Variants in SHQ1 observed in about 807,000 individuals in gnomAD.
SHQ1 encodes protein SHQ1 homolog.
In SHQ1, 49 loss-of-function variants were observed where a neutral mutation model predicts 53.8. The observed-to-expected ratio is 0.91, with a 90% CI of 0.72 to 1.16. The LOEUF is 1.16. SHQ1 is among the 50% of genes most tolerant of loss of function. SHQ1 has a pLI of 0.00. For missense variants in SHQ1, 738 were observed against 683.1 expected (o/e 1.08, Z -0.90); for synonymous variants, 243 against 251.0 (o/e 0.97, Z 0.30).
chr3:72,746,245 A>G (rs906462827), downstream of SHQ1, among the ~76,000 whole-genome samples: 2 of 152,114 alleles, frequency 1.3e-5, no homozygotes, highest in African/African-American at 4.8e-5. Context: ...GTCAACTGCA[A>G]AGTCTTGGTT....
chr3:72,844,278 C>A, intron 2 of SHQ1, 81 bp downstream of exon 2: 1 of 1,175,604 alleles, frequency 8.5e-7, no homozygotes, highest in East Asian at 2.4e-5. Context: ...CAAAAGGTCC[C>A]CATGGTATCT....
intron 10 of SHQ1, among the ~76,000 whole-genome samples, chr3:72,776,927 A>G (rs537537261): frequency 1.1e-4 from 17 of 152,346 alleles, no homozygotes; most frequent in African/African-American, 4.1e-4. Flanking sequence ...AACTTGATTT[A>G]TAAGAGTGAG....
chr3:72,805,821 G>C (rs963353467), intron 9 of SHQ1, among the ~76,000 whole-genome samples: 22 of 152,034 alleles, frequency 1.4e-4, no homozygotes, highest in Non-Finnish European at 2.8e-4. Flanking sequence ...ATCATTTGTG[G>C]CAATTAAAAG....
chr3:72,830,593 G>A (rs1707795922), intron 5 of SHQ1, among the ~76,000 whole-genome samples: 1 of 151,976 alleles, frequency 6.6e-6, no homozygotes, highest in African/African-American at 2.4e-5. Context: ...ACATTTGGGT[G>A]AGTCAGTCAG....
intron 10 of SHQ1, among the ~76,000 whole-genome samples, chr3:72,768,369 G>A (rs562536287): frequency 1.3e-5 from 2 of 152,264 alleles, no homozygotes; most frequent in South Asian, 4.1e-4. Flanking sequence ...AATACCAAGT[G>A]CAGAAGAAAG....
At chr3:72,735,750 A>AAGGAAGGCAGGCAGGC in the SHQ1 span, among the ~76,000 whole-genome samples, 7 of 122,544 alleles carry the variant, frequency 5.7e-5, no homozygotes, top group African/African-American at 2.3e-4. Flanking sequence ...GGAAGGAAGG[A>AAGGAAGGCAGGCAGGC]AGGCAGGCAG....
Position 72,848,296 on chromosome 3 carries a change from C to G in SHQ1, c.45G>C (p.Leu15=), listed in dbSNP as rs747899193. The change falls in exon 1 of 11, where the codon CTG becomes CTC. Residue 15 remains leucine, a synonymous_variant. Transcript: ENST00000325599. ...AFDLSQDPDF[L]TIAIRVPYAR... is the part of the protein sequence containing the mutation. ...CGTAGGGCACGCGGATGGCGATAGT[C>G]AGGAAGTCCGGATCCTGGCTGAGGT... 2 of 1,614,140 alleles carry G rather than the reference C, an allele frequency of 1.2e-6. No individual in the cohort carries two copies. The highest frequency in any genetic ancestry group is 3.3e-5 in the Admixed American group (2 of 60,018).
chr3:72,764,025 C>T (rs1401487783), intron 10 of SHQ1, among the ~76,000 whole-genome samples: 5 of 150,174 alleles, frequency 3.3e-5, no homozygotes, highest in Non-Finnish European at 7.4e-5. Flanking sequence ...AAAAAAAAGA[C>T]ACCACTAAAA....
chr3:72,835,867 T>C lies in SHQ1; in HGVS notation c.487-3386A>G, dbSNP rs572818885. 2.6e-5 allele frequency among the ~76,000 whole-genome samples: 4 copies of C among 152,338 alleles called. No individual in the cohort carries two copies. The South Asian group carries it at 6.2e-4, about 24-fold the overall frequency. On this transcript the variant is annotated intron_variant, in intron 4 of 10. Transcript: ENST00000325599. ...TCTCTGGGCATCCTAGCCAAAGTAG[T>C]ACCCCCAGTCTTTCACCTCACCCCA...
intron 9 of SHQ1, chr3:72,809,535 C>T (rs1324949465): frequency 6.6e-6 from 1 of 152,010 alleles, no homozygotes; most frequent in Non-Finnish European, 1.5e-5. Context: ...CCCATCCTAC[C>T]CTTCTAATGG....
chr3:72,755,461 G>C (rs1438181745), intron 10 of SHQ1, among the ~76,000 whole-genome samples: 2 of 152,178 alleles, frequency 1.3e-5, no homozygotes, highest in African/African-American at 4.8e-5. Context: ...GAAACATTCT[G>C]AACTCTCTCC....
intron 10 of SHQ1, among the ~76,000 whole-genome samples, chr3:72,757,817 C>T (rs541413907): frequency 1.3e-5 from 2 of 152,206 alleles, no homozygotes; most frequent in South Asian, 4.2e-4. Context: ...ACACCAGGGC[C>T]TATCAGAGGG....
At chr3:72,805,544 G>GT (rs1264033483) in intron 9 of SHQ1, among the ~76,000 whole-genome samples, 2 of 151,868 alleles carry the variant, frequency 1.3e-5, no homozygotes, top group Non-Finnish European at 2.9e-5. Flanking sequence ...AATTATAGAA[G>GT]TTTTTTTTAA....
chr3:72,738,836 A>G, the SHQ1 span, among the ~76,000 whole-genome samples: 845 of 152,302 alleles, frequency 5.5e-3, 7 homozygotes, highest in African/African-American at 0.018. Context: ...ACCCTCCTCC[A>G]GGCACCTGCC....
downstream of SHQ1, among the ~76,000 whole-genome samples, chr3:72,744,365 C>T (rs1705219844): frequency 2.0e-5 from 3 of 152,208 alleles, no homozygotes; most frequent in African/African-American, 4.8e-5. Context: ...AGAAGCAAGA[C>T]CCTTCCCAGA....
rs149180718 is a variant in SHQ1 at position 72,789,433 on chromosome 3, TGGAAGCCAAA to T, written c.1181+3473_1181+3482del. 5.1e-3 allele frequency among the ~76,000 whole-genome samples: 780 copies of T among 152,312 alleles called. 9 individuals are homozygous for T. Among genetic ancestry groups the T allele is most frequent in the African/African-American group, 0.018 (750 of 41,580 alleles). ...AAGACAATTCTTCCAGTATGGCCCA[TGGAAGCCAAA>T]GGGTTGGATACCATGGAACTGTTAA... On this transcript the variant is annotated intron_variant, in intron 10 of 10. Transcript: ENST00000325599.
intron 10 of SHQ1, among the ~76,000 whole-genome samples, chr3:72,755,664 A>T (rs1246306322): frequency 6.6e-6 from 1 of 152,178 alleles, no homozygotes; most frequent in East Asian, 1.9e-4. Flanking sequence ...GCCATGAAAG[A>T]GTAGCTGTTT....
At chr3:72,815,934 T>C (rs1168942104) in intron 7 of SHQ1, among the ~76,000 whole-genome samples, 1 of 152,204 alleles carries the variant, frequency 6.6e-6, no homozygotes, top group African/African-American at 2.4e-5. Context: ...ATGGTAAATT[T>C]TTTCAAATAT....
intron 10 of SHQ1, among the ~76,000 whole-genome samples, chr3:72,778,286 T>G (rs961510331): frequency 1.1e-4 from 17 of 151,892 alleles, no homozygotes; most frequent in Non-Finnish European, 2.5e-4. Flanking sequence ...AAAGCAAGAC[T>G]CTATCTCTAC....
Sources: gnomAD v4.1 joint callset for allele counts (sites outside exome capture counted in the v4.1 genomes callset) on GRCh38, gnomAD v4.1.1 for gene constraint, MANE v1.5 for transcripts, NCBI Gene and HGNC (gene_info 2026-07-23, HGNC 2026-07-21) for gene names.